Variants in KIF6 observed in about 807,000 individuals in gnomAD.
KIF6 encodes kinesin family member 6.
Under a neutral mutation model 112.7 loss-of-function variants are expected in KIF6, and 106 were observed. That is an observed-to-expected ratio of 0.94 (90% confidence interval 0.80 to 1.11). The LOEUF is 1.11. Ranked by LOEUF, KIF6 falls within the 50% of genes least tolerant of loss-of-function variation. KIF6 has a pLI of 0.00. For missense variants in KIF6, 929 were observed against 964.0 expected (o/e 0.96, Z 0.48); for synonymous variants, 339 against 339.9 (o/e 1.00, Z 0.03).
At chr6:39,706,374 T>C (rs999852968) in intron 3 of KIF6, among the ~76,000 whole-genome samples, 1 of 152,206 alleles carries the variant, frequency 6.6e-6, no homozygotes, top group Admixed American at 6.5e-5. Flanking sequence ...TCAACTGCTG[T>C]TGTTTTATTC....
intron 5 of KIF6, among the ~76,000 whole-genome samples, chr6:39,619,667 A>G (rs1036914589): frequency 1.3e-5 from 2 of 152,208 alleles, no homozygotes; most frequent in African/African-American, 2.4e-5. Context: ...TGCTATGGAC[A>G]TGTGAAGCCC....
Position 39,636,352 on chromosome 6 carries a change from C to T in KIF6, c.400-1394G>A, listed in dbSNP as rs528263649. Reference sequence around the variant, plus strand: ...AAGCTACAGCTGAAATTCTATATTCCGGTGTTCTGTGAAGGTGACATGGAC... The same window carrying T: ...AAGCTACAGCTGAAATTCTATATTCTGGTGTTCTGTGAAGGTGACATGGAC... On this transcript the variant is annotated intron_variant, in intron 4 of 22. Coordinates refer to ENST00000287152, the MANE Select transcript of KIF6 (RefSeq NM_145027.6). Among the ~76,000 whole-genome samples, 52 of 152,054 alleles carry T rather than the reference C, an allele frequency of 3.4e-4. 1 individual carries two copies. In the South Asian group the frequency reaches 6.4e-3, roughly 19 times the overall value.
intron 13 of KIF6, among the ~76,000 whole-genome samples, chr6:39,454,957 T>C (rs1380543796): frequency 6.6e-6 from 1 of 151,808 alleles, no homozygotes; most frequent in Non-Finnish European, 1.5e-5. Flanking sequence ...GCGCCCGCCA[T>C]TGCCCAGGCT....
rs139324032 is a variant in KIF6 at position 39,432,910 on chromosome 6, T to C, written c.1646-1749A>G. The stretch of plus-strand genomic sequence containing the variant: ...ACCACACTGGAGCCTGCTTGGGGGA[T>C]CTCCAAATTGCTCCCCCCCGCAGGG... On this transcript the variant is annotated intron_variant, in intron 13 of 22. Coordinates refer to ENST00000287152, the MANE Select transcript of KIF6 (RefSeq NM_145027.6). 5.7e-3 allele frequency among the ~76,000 whole-genome samples: 860 copies of C among 150,814 alleles called. 4 individuals carry two copies. The highest frequency in any genetic ancestry group is 0.02 in the African/African-American group (816 of 40,904).
intron 13 of KIF6, among the ~76,000 whole-genome samples, chr6:39,466,587 C>T (rs569256624): frequency 6.6e-6 from 1 of 152,150 alleles, no homozygotes; most frequent in South Asian, 2.1e-4. Flanking sequence ...CCTTCCCCAC[C>T]CCCCACCTCT....
At chr6:39,594,583 T>C (rs1202992514) in intron 7 of KIF6, among the ~76,000 whole-genome samples, 2 of 152,198 alleles carry the variant, frequency 1.3e-5, no homozygotes, top group African/African-American at 4.8e-5. Context: ...ATTCATCTGG[T>C]TGGAGTGTGG....
At chr6:39,511,652 T>C (rs964287965) in intron 13 of KIF6, among the ~76,000 whole-genome samples, 3 of 152,228 alleles carry the variant, frequency 2.0e-5, no homozygotes, top group Non-Finnish European at 4.4e-5. Context: ...TGTATATTTA[T>C]TGTGGCACTA....
intron 16 of KIF6, among the ~76,000 whole-genome samples, chr6:39,379,928 TA>T (rs1766778295): frequency 6.6e-6 from 1 of 152,212 alleles, no homozygotes; most frequent in South Asian, 2.1e-4. Context: ...AAAGTGAGGA[TA>T]ATAGTAACAT....
intron 16 of KIF6, among the ~76,000 whole-genome samples, chr6:39,377,644 G>A (rs1044395085): frequency 2.0e-5 from 3 of 152,202 alleles, no homozygotes; most frequent in African/African-American, 4.8e-5. Context: ...GCCACAAGAG[G>A]TCACTGCAGG....
intron 2 of KIF6, among the ~76,000 whole-genome samples, chr6:39,717,640 C>G (rs1789939189): frequency 6.6e-6 from 1 of 152,080 alleles, no homozygotes; most frequent in African/African-American, 2.4e-5. Context: ...CTATCTCCTC[C>G]CACTAAAATG....
chr6:39,649,574 T>C (rs1785354285), intron 3 of KIF6, among the ~76,000 whole-genome samples: 1 of 152,080 alleles, frequency 6.6e-6, no homozygotes, highest in South Asian at 2.1e-4. Flanking sequence ...GTCTGAGTGG[T>C]CTTAGTCCCC....
chr6:39,645,012 A>C (rs1785093605), intron 3 of KIF6, among the ~76,000 whole-genome samples: 1 of 152,174 alleles, frequency 6.6e-6, no homozygotes, highest in Admixed American at 6.6e-5. Context: ...TTTGTTCAGA[A>C]GTATTTCTGA....
intron 13 of KIF6, among the ~76,000 whole-genome samples, chr6:39,504,790 A>G (rs1455063067): frequency 1.3e-5 from 2 of 152,194 alleles, no homozygotes. Flanking sequence ...TACAGCTTAC[A>G]AGGGAAGTGA....
chr6:39,684,981 C>T (rs552149202), intron 3 of KIF6, among the ~76,000 whole-genome samples: 1 of 152,166 alleles, frequency 6.6e-6, no homozygotes, highest in Admixed American at 6.5e-5. Context: ...GCAGAGAAGA[C>T]AGACAGAAGC....
At position 39,350,076 on chromosome 6, in the gene KIF6, C is replaced by T. The variant is rs1764121009; in HGVS notation, c.2181-3550G>A. Among the ~76,000 whole-genome samples, 3 of 152,184 alleles carry T rather than the reference C, an allele frequency of 2.0e-5. No individual in the cohort carries two copies. The East Asian group carries it at 5.8e-4, about 29-fold the overall frequency. On this transcript the variant is annotated intron_variant, in intron 19 of 22. Coordinates refer to ENST00000287152, the MANE Select transcript of KIF6 (RefSeq NM_145027.6). ...CTCAGCTGAAATGGCAAGGGCCAGT[C>T]ACAGGGAATTCTGGGTTTCCACACC...
intron 3 of KIF6, among the ~76,000 whole-genome samples, chr6:39,650,971 A>C (rs895732793): frequency 4.6e-5 from 7 of 152,182 alleles, no homozygotes; most frequent in Non-Finnish European, 1.5e-5. Context: ...TTTGCAGTGC[A>C]AGGTAAAGCA....
In KIF6 at chr6:39,538,311, T is replaced by C. The variant is rs533824071; in HGVS notation, c.1645+1692A>G. 8.6e-4 allele frequency among the ~76,000 whole-genome samples: 130 copies of C among 151,752 alleles called. 1 individual carries two copies. The highest frequency in any genetic ancestry group is 2.9e-3 in the African/African-American group (121 of 41,308). On this transcript the variant is annotated intron_variant, in intron 13 of 22. Coordinates refer to ENST00000287152, the MANE Select transcript of KIF6 (RefSeq NM_145027.6). ...AACATGGGAGAAAATTTTCGCAACC[T>C]ACTCATCTGACAGAGGGCTAATATC... is the stretch of plus-strand genomic sequence containing the variant.
In KIF6 at chr6:39,335,152, T is replaced by C. The variant is rs1289571835; in HGVS notation, c.*1380A>G. 2.0e-5 allele frequency: 3 copies of C among 152,032 alleles called. No individual in the cohort carries two copies. The highest frequency in any genetic ancestry group is 2.9e-5 in the Non-Finnish European group (2 of 68,026). The allele number at this position is 152,032 out of a possible 1,614,324, so 9.4% of individuals were successfully genotyped here. A position where few individuals can be genotyped will look rare whatever the true frequency, so the allele number is the denominator to read the frequency against. ...TGGGGGGTTGCAGGTATTTCAAAAA[T>C]AGGCAAGTTCGGAAGGATAACATGT... On this transcript the variant is annotated 3_prime_UTR_variant, in exon 23 of 23. Coordinates refer to ENST00000287152, the MANE Select transcript of KIF6 (RefSeq NM_145027.6).
intron 13 of KIF6, among the ~76,000 whole-genome samples, chr6:39,504,787 T>C (rs1776341059): frequency 6.6e-6 from 1 of 152,126 alleles, no homozygotes; most frequent in Admixed American, 6.6e-5. Context: ...AAATACAGCT[T>C]ACAAGGGAAG....
Sources: gnomAD v4.1 joint callset for allele counts (sites outside exome capture counted in the v4.1 genomes callset) on GRCh38, gnomAD v4.1.1 for gene constraint, MANE v1.5 for transcripts, NCBI Gene and HGNC (gene_info 2026-07-23, HGNC 2026-07-21) for gene names.